Variants in MON2 observed in about 807,000 individuals in gnomAD.
The protein encoded by MON2 is protein MON2 homolog.
Under a neutral mutation model 208.6 loss-of-function variants are expected in MON2, and 84 were observed. The observed-to-expected ratio is 0.40, with a 90% CI of 0.34 to 0.48. The LOEUF is 0.48. Ranked by LOEUF, MON2 falls within the 20% of genes least tolerant of loss-of-function variation. MON2 has a pLI of 0.59. For synonymous variants in MON2, 660 were observed against 694.0 expected (o/e 0.95, Z 0.77); for missense variants, 1,611 against 2,015.4 (o/e 0.80, Z 3.84).
intron 2 of MON2, among the ~76,000 whole-genome samples, chr12:62,492,003 C>A (rs2070167449): frequency 6.6e-6 from 1 of 152,140 alleles, no homozygotes; most frequent in South Asian, 2.1e-4. Context: ...TGAATCAAAA[C>A]CTTTGTGTAC....
At chr12:62,582,738 A>C (rs1396606884) in intron 32 of MON2, among the ~76,000 whole-genome samples, 1 of 151,816 alleles carries the variant, frequency 6.6e-6, no homozygotes, top group African/African-American at 2.4e-5. Flanking sequence ...AAAAAAACTT[A>C]GAGTTTTCCT....
At chr12:62,470,716 A>G (rs1272126694) in intron 1 of MON2, 47 of 1,173,518 alleles carry the variant, frequency 4.0e-5, no homozygotes, top group Non-Finnish European at 4.8e-5. Context: ...GATGAGGGGT[A>G]TCTAACTGAG....
At chr12:62,482,853 AAG>A (rs2069526667) in intron 1 of MON2, 1 of 152,120 alleles carries the variant, frequency 6.6e-6, no homozygotes, top group Non-Finnish European at 1.5e-5. Context: ...GCAATATAGC[AAG>A]GCCCTGTCTC....
chr12:62,555,933 T>C, intron 24 of MON2, 61 bp from the exon 25 acceptor site: 1 of 1,241,792 alleles, frequency 8.1e-7, no homozygotes, highest in Non-Finnish European at 1.2e-6. Context: ...CTGTTGCTCC[T>C]ATGCTATTAC....
At chr12:62,490,392 T>G (rs1343908616) in intron 2 of MON2, among the ~76,000 whole-genome samples, 1 of 152,134 alleles carries the variant, frequency 6.6e-6, no homozygotes, top group Non-Finnish European at 1.5e-5. Context: ...GTAAAATGTC[T>G]TCTTTATATT....
At chr12:62,536,684 GTGTTTTTT>G (rs988484073) in intron 14 of MON2, among the ~76,000 whole-genome samples, 15 of 149,282 alleles carry the variant, frequency 1.0e-4, no homozygotes, top group Admixed American at 4.0e-4. Context: ...TGAAGTTTTT[GTGTTTTTT>G]TGTTTTTTTT....
intron 1 of MON2, among the ~76,000 whole-genome samples, chr12:62,469,894 A>ATTTC (rs2068703609): frequency 3.3e-5 from 1 of 30,276 alleles, no homozygotes; most frequent in Admixed American, 2.4e-4. Flanking sequence ...TTATTTATTT[A>ATTTC]TTTATTTATT....
chr12:62,548,596 T>C (rs2073603415), intron 22 of MON2, among the ~76,000 whole-genome samples: 1 of 152,210 alleles, frequency 6.6e-6, no homozygotes, highest in Non-Finnish European at 1.5e-5. Context: ...AATTCTTTAC[T>C]ACAAAATATT....
intron 2 of MON2, among the ~76,000 whole-genome samples, chr12:62,490,867 G>A (rs975136885): frequency 2.6e-5 from 4 of 151,950 alleles, no homozygotes; most frequent in South Asian, 4.2e-4. Context: ...AGTTTATCTC[G>A]GCTTGATAGA....
chr12:62,588,093 A>T lies in MON2; in HGVS notation c.4927A>T (p.Ile1643Leu), dbSNP rs749539567. 3.8e-6 allele frequency: 6 copies of T among 1,574,540 alleles called. No homozygotes were observed. Among genetic ancestry groups the T allele is most frequent in the African/African-American group, 1.4e-5 (1 of 74,000 alleles). ...TTTCAGGCAACAAGTAACAGAAATTATATTTGTTTTAAAAGCAGTCAGTAC... is the reference window on the plus strand; with the variant it reads ...TTTCAGGCAACAAGTAACAGAAATTTTATTTGTTTTAAAAGCAGTCAGTAC... The part of the protein sequence containing the change: ...PLPRQQVTEI[I>L]FVLKAVSTLI... The change falls in exon 34 of 35, where the codon ATA (isoleucine) becomes TTA (leucine). Residue 1643 changes from isoleucine (I) to leucine (L), a missense_variant. Physicochemically the swap from Ile to Leu is conservative, Grantham distance 5. Transcript: ENST00000393630.
At position 62,538,102 on chromosome 12, in the gene MON2, G is replaced by T. The variant is rs760639913; in HGVS notation, c.2125G>T (p.Val709Leu). 1 of 1,612,992 alleles carries T rather than the reference G, an allele frequency of 6.2e-7. No homozygotes were observed. The highest frequency in any genetic ancestry group is 1.1e-5 in the South Asian group (1 of 90,980). Residue 709 changes from valine (V) to leucine (L), a missense_variant, in exon 17 of 35, where the codon GTG becomes TTG. Val to Leu is a conservative substitution (Grantham distance 32, BLOSUM62 1). Transcript: ENST00000393630. Reference protein sequence around the residue: ...QLVLATLQHLVWILGLKPSSG... With the variant: ...QLVLATLQHLLWILGLKPSSG... ...TTTTTTTTTAATTTTACAGCATCTT[G>T]TGTGGATTCTGGGATTAAAGCCTAG...
chr12:62,534,234 A>G (rs1261901498), intron 12 of MON2, among the ~76,000 whole-genome samples: 1 of 151,434 alleles, frequency 6.6e-6, no homozygotes, highest in African/African-American at 2.4e-5. Context: ...CTTAAAAAAA[A>G]AAATGGCTGG....
At chr12:62,545,077 T>A in intron 21 of MON2, 69 bp downstream of exon 21, 1 of 1,008,166 alleles carries the variant, frequency 9.9e-7, no homozygotes, top group African/African-American at 1.6e-5. Context: ...TGTGATTTTT[T>A]TCTTATCAGG....
rs1012872826 is a variant in MON2 at position 62,466,982 on chromosome 12, A to G, written c.-226A>G. On this transcript the variant is annotated 5_prime_UTR_variant, in exon 1 of 35. Transcript: ENST00000393630. ...TTCTCGGCCAGAGTCGGCGGAGCCT[A>G]GCGGGACGGTGCGACTGCGGGGGGC... The G allele has an allele frequency of 2.3e-5, 12 of 519,338 alleles. No homozygotes were observed. The highest frequency in any genetic ancestry group is 4.1e-5 in the Non-Finnish European group (12 of 292,654). 32.2% of individuals were successfully genotyped at this position (519,338 alleles called of 1,614,324 possible).
intron 30 of MON2, among the ~76,000 whole-genome samples, 178 bp downstream of exon 30, chr12:62,571,760 G>C (rs148368054): frequency 1.0e-3 from 158 of 152,266 alleles, no homozygotes; most frequent in African/African-American, 3.7e-3. Flanking sequence ...ATGAACAATG[G>C]AGATTTTTGC....
At chr12:62,589,690 G>C (rs1271426733) in intron 34 of MON2, among the ~76,000 whole-genome samples, 1 of 147,710 alleles carries the variant, frequency 6.8e-6, no homozygotes, top group Non-Finnish European at 1.5e-5. Flanking sequence ...TGGGAGGATT[G>C]CTTGAGCCTA....
rs564797506 is a variant in MON2 at position 62,519,273 on chromosome 12, T to C, written c.985-5242T>C. Among the ~76,000 whole-genome samples the C allele has an allele frequency of 8.0e-4, 122 of 152,180 alleles. 1 individual carries two copies. Among genetic ancestry groups the C allele is most frequent in the African/African-American group, 2.8e-3 (117 of 41,520 alleles). On this transcript the variant is annotated intron_variant, in intron 8 of 34. Transcript: ENST00000393630. ...CGTTCCAATCATTCAGCCCTTTGTG[T>C]CCCTACTAGTCCCTGAAATCGCCTC... is the stretch of plus-strand genomic sequence containing the variant.
At chr12:62,535,426 G>T (rs2072920062) in intron 13 of MON2, 99 bp from the exon 14 acceptor site, 8 of 901,034 alleles carry the variant, frequency 8.9e-6, no homozygotes, top group South Asian at 4.5e-5. Flanking sequence ...TTTTTGTATA[G>T]ATTTTCTTAA....
intron 12 of MON2, among the ~76,000 whole-genome samples, chr12:62,534,570 TTA>T (rs1331943202): frequency 2.6e-5 from 3 of 115,182 alleles, no homozygotes; most frequent in Admixed American, 8.8e-5. Context: ...TATATATATT[TTA>T]TATATATATA....
Sources: gnomAD v4.1 joint callset for allele counts (sites outside exome capture counted in the v4.1 genomes callset) on GRCh38, gnomAD v4.1.1 for gene constraint, MANE v1.5 for transcripts, NCBI Gene and HGNC (gene_info 2026-07-23, HGNC 2026-07-21) for gene names.